ICE2: variants seen among roughly 807,000 people sequenced by gnomAD.
The protein encoded by ICE2 is little elongation complex subunit 2.
ICE2 carries 87 observed loss-of-function variants against 105.4 expected under a neutral mutation model. The observed-to-expected ratio is 0.83, with a 90% CI of 0.69 to 0.99. The LOEUF is 0.99. Ranked by LOEUF, ICE2 falls within the 50% of genes least tolerant of loss-of-function variation. The pLI, the probability that ICE2 is intolerant of heterozygous loss-of-function variation, is 0.00. For synonymous variants in ICE2, 399 were observed against 392.0 expected, an observed-to-expected ratio of 1.02 and a Z score of -0.21; for missense variants, 1,323 against 1,146.7, an observed-to-expected ratio of 1.15 and a Z score of -2.22.
rs774816183 is a variant in ICE2 at position 60,456,701 on chromosome 15, T to C, written c.622A>G (p.Arg208Gly). ...TCTAACTTTAATCCCATCTCTACTCTGAATGGGAAGAATCCCATTAAGCTG... is the reference window on the plus strand; with the variant it reads ...TCTAACTTTAATCCCATCTCTACTCCGAATGGGAAGAATCCCATTAAGCTG... ...VTSLMGFFPF[R>G]VEMGLKLEKT... The change falls in exon 6 of 16, where the codon AGA (arginine) becomes GGA (glycine). Residue 208 changes from arginine (R) to glycine (G), a missense_variant. By Grantham distance (125) the Arg-to-Gly change is moderately radical (BLOSUM62 -2). Transcript: ENST00000261520. 5.0e-6 allele frequency: 8 copies of C among 1,597,806 alleles called. No individual in the cohort carries two copies. Among genetic ancestry groups the C allele is most frequent in the South Asian group, 1.1e-5 (1 of 89,290 alleles).
chr15:60,462,880 G>A (rs939052926), intron 5 of ICE2, among the ~76,000 whole-genome samples: 6 of 152,052 alleles, frequency 3.9e-5, no homozygotes, highest in Admixed American at 1.3e-4. Flanking sequence ...TTGAAGATAC[G>A]CATACTCTAT....
At chr15:60,434,018 A>G (rs2063522655) in intron 13 of ICE2, among the ~76,000 whole-genome samples, 1 of 152,142 alleles carries the variant, frequency 6.6e-6, no homozygotes, top group African/African-American at 2.4e-5. Flanking sequence ...TGCGGCTAGT[A>G]GAAGTCAGAA....
At position 60,449,261 on chromosome 15, in the gene ICE2, C is replaced by A; in HGVS notation, c.1706G>T (p.Cys569Phe). The A allele has an allele frequency of 6.2e-7, 1 of 1,613,582 alleles. No homozygotes were observed. Among genetic ancestry groups the A allele is most frequent in the Non-Finnish European group, 8.5e-7 (1 of 1,179,982 alleles). The change falls in exon 10 of 16, where the codon TGC becomes TTC. Residue 569 changes from cysteine (C) to phenylalanine (F), a missense_variant. By Grantham distance (205) the Cys-to-Phe change is radical (BLOSUM62 -2). Transcript: ENST00000261520. ...EAAKTEDTVL[C>F]SSDTDEECLI... ...ACACTCCTCATCTGTATCACTGCTG[C>A]AGAGAACTGTATCTTCAGTTTTTGC...
At chr15:60,432,849 G>A (rs968780267) in intron 13 of ICE2, among the ~76,000 whole-genome samples, 5 of 152,042 alleles carry the variant, frequency 3.3e-5, no homozygotes, top group Non-Finnish European at 5.9e-5. Flanking sequence ...CCGAGATGGC[G>A]TTACTGCACT....
At chr15:60,451,378 G>C in intron 9 of ICE2, 2 of 942,308 alleles carry the variant, frequency 2.1e-6, no homozygotes, top group Non-Finnish European at 2.5e-6. Context: ...GACCAAAGCA[G>C]AATCTGATAA....
chr15:60,466,562 G>T, intron 5 of ICE2, 32 bp downstream of exon 5: 1 of 1,605,306 alleles, frequency 6.2e-7, no homozygotes. Flanking sequence ...CTATCACTTC[G>T]CAATTTACAC....
At chr15:60,429,988 T>C (rs779487559) in intron 14 of ICE2, among the ~76,000 whole-genome samples, 1 of 152,146 alleles carries the variant, frequency 6.6e-6, no homozygotes, top group Non-Finnish European at 1.5e-5. Flanking sequence ...CTAATGTACA[T>C]AGATGAATAT....
intron 12 of ICE2, chr15:60,439,381 CTTTT>C (rs886796008): frequency 2.6e-5 from 4 of 151,850 alleles, no homozygotes; most frequent in Non-Finnish European, 5.9e-5. Flanking sequence ...TTTTCTTTTT[CTTTT>C]TTTTCTTTTT....
intron 7 of ICE2, 66 bp downstream of exon 7, chr15:60,455,260 G>C: frequency 6.5e-7 from 1 of 1,536,008 alleles, no homozygotes; most frequent in African/African-American, 1.4e-5. Flanking sequence ...GGGACAATCG[G>C]GTTAGATATA....
intron 5 of ICE2, among the ~76,000 whole-genome samples, chr15:60,457,207 A>T (rs1208391820): frequency 1.3e-5 from 2 of 151,956 alleles, no homozygotes; most frequent in African/African-American, 4.8e-5. Flanking sequence ...TCTAATCTAT[A>T]ATCTAAAAAA....
At chr15:60,466,482 A>T in intron 5 of ICE2, 112 bp downstream of exon 5, 1 of 1,259,152 alleles carries the variant, frequency 7.9e-7, no homozygotes, top group Non-Finnish European at 1.1e-6. Flanking sequence ...TGTGGTTTTT[A>T]AATTGGTAAC....
At chr15:60,460,153 T>C (rs2064234668) in intron 5 of ICE2, among the ~76,000 whole-genome samples, 1 of 152,134 alleles carries the variant, frequency 6.6e-6, no homozygotes, top group Non-Finnish European at 1.5e-5. Context: ...CCATATGGTT[T>C]TGGCATCAAG....
At chr15:60,455,241 GGGGACTTT>G in intron 7 of ICE2, 77 bp downstream of exon 7, 1 of 1,511,910 alleles carries the variant, frequency 6.6e-7, no homozygotes, top group Non-Finnish European at 9.0e-7. Context: ...AAGTCAGAAA[GGGGACTTT>G]GGGACAATCG....
At chr15:60,430,710 G>C (rs1010886433) in intron 14 of ICE2, among the ~76,000 whole-genome samples, 1 of 152,164 alleles carries the variant, frequency 6.6e-6, no homozygotes, top group Admixed American at 6.5e-5. Flanking sequence ...TTCAGAACTA[G>C]AGCTTTGAGA....
At chr15:60,454,651 T>C (rs2141085447) in intron 8 of ICE2, 1 of 168,208 alleles carries the variant, frequency 5.9e-6, no homozygotes, top group East Asian at 1.7e-4. Context: ...ACCACCTATA[T>C]TTAGACAGCT....
intron 5 of ICE2, among the ~76,000 whole-genome samples, chr15:60,457,079 A>G (rs547709610): frequency 3.9e-5 from 6 of 152,280 alleles, no homozygotes; most frequent in South Asian, 2.1e-4. Flanking sequence ...GCACATGAAA[A>G]TTTCAACACA....
chr15:60,479,053 G>T lies in ICE2; in HGVS notation c.-143C>A. On this transcript the variant is annotated 5_prime_UTR_variant, in exon 1 of 16. Transcript: ENST00000261520. ...CAGGCCGCAGCCACACACCACACACGCTCCACCCCACTCCTCACATTGTCG... is the reference window on the plus strand; with the variant it reads ...CAGGCCGCAGCCACACACCACACACTCTCCACCCCACTCCTCACATTGTCG... 1 of 455,378 alleles carries T rather than the reference G, an allele frequency of 2.2e-6. No individual in the cohort carries two copies. The highest frequency in any genetic ancestry group is 4.4e-6 in the Non-Finnish European group (1 of 226,368). The allele number at this position is 455,378 out of a possible 1,614,324, so 28.2% of individuals were successfully genotyped here.
chr15:60,428,336 C>A, intron 15 of ICE2, 93 bp downstream of exon 15: 1 of 1,311,954 alleles, frequency 7.6e-7, no homozygotes, highest in Non-Finnish European at 1.1e-6. Flanking sequence ...ATTAATATGA[C>A]AATGAGAACA....
At chr15:60,457,603 G>A (rs977022071) in intron 5 of ICE2, among the ~76,000 whole-genome samples, 19 of 151,884 alleles carry the variant, frequency 1.3e-4, no homozygotes, top group Non-Finnish European at 2.8e-4. Context: ...TCACATATTT[G>A]TAAAATGTGT....
Sources: gnomAD v4.1 joint callset for allele counts (sites outside exome capture counted in the v4.1 genomes callset) on GRCh38, gnomAD v4.1.1 for gene constraint, MANE v1.5 for transcripts, NCBI Gene and HGNC (gene_info 2026-07-23, HGNC 2026-07-21) for gene names.